KDM4C: variants seen among roughly 807,000 people sequenced by gnomAD.
KDM4C encodes lysine-specific demethylase 4C.
A neutral mutation model predicts 129.3 loss-of-function variants in KDM4C; 81 were observed. That is an observed-to-expected ratio of 0.63 (90% CI 0.52 to 0.75). KDM4C has a LOEUF of 0.75. Ranked by LOEUF, KDM4C falls within the 30% of genes least tolerant of loss-of-function variation. The pLI, the probability that KDM4C is intolerant of heterozygous loss-of-function variation, is 0.00. For synonymous variants in KDM4C, 573 were observed against 456.1 expected (o/e 1.26, Z -3.26); for missense variants, 1,457 against 1,304.0 (o/e 1.12, Z -1.81).
chr9:7,025,730 T>G (rs186795663), intron 15 of KDM4C, among the ~76,000 whole-genome samples: 51 of 152,334 alleles, frequency 3.3e-4, no homozygotes, highest in Admixed American at 5.9e-4. Flanking sequence ...TCTTGAAAAG[T>G]TGTCATTATT....
chr9:6,859,375 T>C (rs867888499), intron 5 of KDM4C, among the ~76,000 whole-genome samples: 70 of 145,950 alleles, frequency 4.8e-4, no homozygotes, highest in African/African-American at 1.7e-3. Context: ...CTCGGGAGGC[T>C]GAGGCAGGAG....
At chr9:6,955,300 G>C (rs1485413508) in intron 8 of KDM4C, among the ~76,000 whole-genome samples, 1 of 152,208 alleles carries the variant, frequency 6.6e-6, no homozygotes, top group African/African-American at 2.4e-5. Context: ...GGCACAGAGA[G>C]ATGAAATGCC....
rs1554749461 is a variant in KDM4C, at chr9:7,116,414, G to GAGGTTACGTGGACCACCTA, written c.2611-11646_2611-11645insCGTGGACCACCTAAGGTTA. Among the ~76,000 whole-genome samples the GAGGTTACGTGGACCACCTA allele has an allele frequency of 4.0e-5, 6 of 151,636 alleles. No homozygotes were observed. In the South Asian group the frequency reaches 6.3e-4, roughly 16 times the overall value. On this transcript the variant is annotated intron_variant, in intron 18 of 21. Coordinates refer to ENST00000381309, the MANE Select transcript of KDM4C (RefSeq NM_015061.6). ...TGTATCTGAGAAAGTAACTTTAATTGAGGTTATATGGACCTTAGGTGATCA... is the reference window on the plus strand; with the variant it reads ...TGTATCTGAGAAAGTAACTTTAATTGAGGTTACGTGGACCACCTAAGGTTATATGGACCTTAGGTGATCA...
At chr9:6,835,205 A>T (rs1437542290) in intron 4 of KDM4C, 4 of 924,448 alleles carry the variant, frequency 4.3e-6, no homozygotes, top group Non-Finnish European at 7.2e-6. Context: ...ACCATCGGCA[A>T]CGAGCAGTTC....
At chr9:6,933,932 C>T (rs1271196319) in intron 8 of KDM4C, among the ~76,000 whole-genome samples, 1 of 151,884 alleles carries the variant, frequency 6.6e-6, no homozygotes, top group Non-Finnish European at 1.5e-5. Context: ...TCATGACAAT[C>T]TCCACCTGCT....
At position 6,840,969 on chromosome 9, in the gene KDM4C, A is replaced by G. The variant is rs182664170; in HGVS notation, c.436-8538A>G. Among the ~76,000 whole-genome samples, 3 of 152,292 alleles carry G rather than the reference A, an allele frequency of 2.0e-5. No homozygotes were observed. The East Asian group carries it at 5.8e-4, about 29-fold the overall frequency. ...TTGGAAAGACCAAGAGCACATCTAA[A>G]TGTAACTTGGTGATGGCATTTTTGT... On this transcript the variant is annotated intron_variant, in intron 4 of 21. Transcript: ENST00000381309.
intron 8 of KDM4C, among the ~76,000 whole-genome samples, chr9:6,914,117 T>C (rs553381038): frequency 6.6e-6 from 1 of 152,236 alleles, no homozygotes; most frequent in Non-Finnish European, 1.5e-5. Context: ...TGGAGTGCAA[T>C]GGCGTAATCT....
chr9:6,816,457 C>T (rs930497155), intron 4 of KDM4C, among the ~76,000 whole-genome samples: 2 of 152,150 alleles, frequency 1.3e-5, no homozygotes, highest in African/African-American at 4.8e-5. Context: ...TAATCATTTT[C>T]TTCTTTTGTT....
At chr9:6,975,789 C>G (rs1183168568) in intron 8 of KDM4C, among the ~76,000 whole-genome samples, 3 of 152,136 alleles carry the variant, frequency 2.0e-5, no homozygotes, top group Non-Finnish European at 4.4e-5. Flanking sequence ...CACCTGTAAT[C>G]CCACCGCTTT....
At chr9:7,123,052 A>G (rs1429047976) in intron 18 of KDM4C, among the ~76,000 whole-genome samples, 3 of 152,234 alleles carry the variant, frequency 2.0e-5, no homozygotes, top group Non-Finnish European at 4.4e-5. Flanking sequence ...CAGAAATCCT[A>G]TCAAAATAGC....
At chr9:7,040,529 C>A (rs1294997126) in intron 15 of KDM4C, among the ~76,000 whole-genome samples, 2 of 151,940 alleles carry the variant, frequency 1.3e-5, no homozygotes, top group Non-Finnish European at 2.9e-5. Context: ...ATTTCATTTT[C>A]CTCATTCTGA....
At chr9:6,920,388 C>T (rs1166708491) in intron 8 of KDM4C, among the ~76,000 whole-genome samples, 1 of 151,870 alleles carries the variant, frequency 6.6e-6, no homozygotes, top group Non-Finnish European at 1.5e-5. Flanking sequence ...ATGGTAAGAC[C>T]CCATCTCTAC....
chr9:6,962,068 G>T (rs1830140123), intron 8 of KDM4C, among the ~76,000 whole-genome samples: 1 of 152,198 alleles, frequency 6.6e-6, no homozygotes, highest in Admixed American at 6.5e-5. Flanking sequence ...GTCACAGTGG[G>T]ATACAAGAGG....
At chr9:7,088,271 G>A (rs1487238418) in intron 17 of KDM4C, among the ~76,000 whole-genome samples, 1 of 152,224 alleles carries the variant, frequency 6.6e-6, no homozygotes, top group Non-Finnish European at 1.5e-5. Flanking sequence ...ACCCTGGAAT[G>A]GGACCTAGGA....
chr9:6,960,400 C>T (rs1829828902), intron 8 of KDM4C, among the ~76,000 whole-genome samples: 2 of 151,172 alleles, frequency 1.3e-5, no homozygotes, highest in African/African-American at 4.9e-5. Flanking sequence ...TCTCCTCAGT[C>T]TCCTGAGTAG....
At chr9:6,763,202 C>T (rs1380446935) in intron 1 of KDM4C, among the ~76,000 whole-genome samples, 1 of 152,150 alleles carries the variant, frequency 6.6e-6, no homozygotes, top group Admixed American at 6.6e-5. Flanking sequence ...AGTCCTAACT[C>T]TCAGCTCTGT....
intron 3 of KDM4C, 107 bp downstream of exon 3, chr9:6,805,881 A>T: frequency 9.7e-7 from 1 of 1,031,532 alleles, no homozygotes. Flanking sequence ...GGAGTCTCCC[A>T]TGCAATTTTT....
chr9:6,987,334 C>CTATATT (rs1817905783), intron 11 of KDM4C, among the ~76,000 whole-genome samples: 3 of 152,190 alleles, frequency 2.0e-5, no homozygotes, highest in Non-Finnish European at 4.4e-5. Context: ...TTTAGCTTCC[C>CTATATT]ATTGTGACTT....
At chr9:6,952,622 G>T (rs943795994) in intron 8 of KDM4C, among the ~76,000 whole-genome samples, 1 of 151,706 alleles carries the variant, frequency 6.6e-6, no homozygotes, top group Non-Finnish European at 1.5e-5. Context: ...TGTGTTTTTA[G>T]TAGAGACGGG....
Sources: gnomAD v4.1 joint callset for allele counts (sites outside exome capture counted in the v4.1 genomes callset) on GRCh38, gnomAD v4.1.1 for gene constraint, MANE v1.5 for transcripts, NCBI Gene and HGNC (gene_info 2026-07-23, HGNC 2026-07-21) for gene names.